Variants in GP6 observed in about 807,000 individuals in gnomAD.
The protein encoded by GP6 is glycoprotein VI platelet, also known as platelet glycoprotein VI.
Under a neutral mutation model 37.3 loss-of-function variants are expected in GP6, and 45 were observed. The observed-to-expected ratio is 1.21, with a 90% CI of 0.95 to 1.55. GP6 has a LOEUF of 1.55. Among genes scored for constraint, GP6 ranks in the 40% most tolerant of loss-of-function variants. GP6 has a pLI of 0.00. For synonymous variants in GP6, 340 were observed against 316.4 expected, an observed-to-expected ratio of 1.07 and a Z score of -0.79; for missense variants, 813 against 760.2, an observed-to-expected ratio of 1.07 and a Z score of -0.82.
Position 55,014,997 on chromosome 19 carries a change from A to G in GP6, c.948T>C (p.Pro316=). 1 of 1,529,634 alleles carries G rather than the reference A, an allele frequency of 6.5e-7. No homozygotes were observed. The allele number at this position is 1,529,634 out of a possible 1,614,324, so 94.8% of individuals were successfully genotyped here. A position where few individuals can be genotyped will look rare whatever the true frequency, so the allele number is the denominator to read the frequency against. Reference sequence around the variant, plus strand: ...CCCGTTTGATTTCCGGGTCAGCGGGAGGGGCGGGAGGGGCGGAAGCGGCCT... The same window carrying G: ...CCCGTTTGATTTCCGGGTCAGCGGGGGGGGCGGGAGGGGCGGAAGCGGCCT... The change falls in exon 8 of 8, where the codon CCT becomes CCC. Residue 316 remains proline, a synonymous_variant. Coordinates refer to ENST00000310373, the MANE Select transcript of GP6 (RefSeq NM_001083899.2).
chr19:55,036,525 C>T (rs2074835676), intron 1 of GP6, among the ~76,000 whole-genome samples: 1 of 151,452 alleles, frequency 6.6e-6, no homozygotes, highest in African/African-American at 2.4e-5. Context: ...ATAGCGGACC[C>T]CCGTAACTAA....
intron 5 of GP6, among the ~76,000 whole-genome samples, chr19:55,021,050 TAAAAA>T (rs60477411): frequency 1.4e-4 from 15 of 107,708 alleles, no homozygotes; most frequent in Admixed American, 3.1e-4. Context: ...AGACTCTGTT[TAAAAA>T]AAAAAAAAAA....
intron 5 of GP6, among the ~76,000 whole-genome samples, chr19:55,019,200 G>C (rs2073987829): frequency 6.6e-6 from 1 of 151,110 alleles, no homozygotes; most frequent in Non-Finnish European, 1.5e-5. Context: ...CCACCTCCTG[G>C]GTTCAAGCGA....
intron 7 of GP6, 44 bp downstream of exon 7, chr19:55,015,639 G>A: frequency 8.1e-7 from 1 of 1,232,590 alleles, no homozygotes; most frequent in East Asian, 2.3e-5. Context: ...TTGGTGAAGA[G>A]ACGGGTGAGA....
intron 1 of GP6, among the ~76,000 whole-genome samples, chr19:55,034,506 A>G (rs942955063): frequency 6.6e-6 from 1 of 151,860 alleles, no homozygotes; most frequent in African/African-American, 2.4e-5. Context: ...CAGTGAGCCA[A>G]GATCACGCCA....
intron 5 of GP6, among the ~76,000 whole-genome samples, chr19:55,021,826 G>C (rs997170793): frequency 6.6e-6 from 1 of 152,128 alleles, no homozygotes; most frequent in Non-Finnish European, 1.5e-5. Flanking sequence ...GGCGTTTCTT[G>C]ACTTTTTAAT....
intron 5 of GP6, among the ~76,000 whole-genome samples, chr19:55,024,838 T>A (rs1654420): frequency 0.76 from 115,821 of 152,014 alleles, 44,855 homozygotes; most frequent in Middle Eastern, 0.84. Context: ...GATCAATGCA[T>A]TCAGTGACTC....
chr19:55,019,227 T>C (rs1568600633), intron 5 of GP6, among the ~76,000 whole-genome samples: 1 of 149,598 alleles, frequency 6.7e-6, no homozygotes, highest in Non-Finnish European at 1.5e-5. Flanking sequence ...TCCCTCAGCC[T>C]CCCGAGTAGC....
chr19:55,031,774 C>A (rs1171431080), intron 3 of GP6, among the ~76,000 whole-genome samples: 1 of 151,936 alleles, frequency 6.6e-6, no homozygotes, highest in Non-Finnish European at 1.5e-5. Context: ...TATTTTAATG[C>A]CTTTTGTGAA....
chr19:55,026,077 G>A (rs1391735437), intron 4 of GP6, among the ~76,000 whole-genome samples: 11 of 151,148 alleles, frequency 7.3e-5, no homozygotes, highest in Admixed American at 3.3e-4. Flanking sequence ...ACAAGGAAAT[G>A]CATGCAGCTC....
rs180985480 is a variant in GP6, at chr19:55,019,491, G to A, written c.665-780C>T. 5.0e-3 allele frequency among the ~76,000 whole-genome samples: 761 copies of A among 152,092 alleles called. 12 individuals carry two copies. Among genetic ancestry groups the A allele is most frequent in the African/African-American group, 0.017 (702 of 41,486 alleles). ...AAATCCTCACCAATACTTCTTGTCC[G>A]TTTGTTTTGTTTTAAAAATCATAGT... On this transcript the variant is annotated intron_variant, in intron 5 of 7. Coordinates refer to ENST00000310373, the MANE Select transcript of GP6 (RefSeq NM_001083899.2).
Position 55,015,642 on chromosome 19 carries a change from G to A in GP6, c.779+37C>T, listed in dbSNP as rs78945148. ...AAGGAGTTGGCTTTGGTGAAGAGAC[G>A]GGTGAGAAGGAAGGGGGTCTGGAGA... On this transcript the variant is annotated intron_variant, in intron 7 of 7. Transcript: ENST00000310373. The A allele has an allele frequency of 1.7e-3, 2,141 of 1,263,636 alleles. 21 individuals carry two copies. The African/African-American group carries it at 0.026, about 15-fold the overall frequency. 78.3% of individuals were successfully genotyped at this position (1,263,636 alleles called of 1,614,324 possible). A position where few individuals can be genotyped will look rare whatever the true frequency, so the allele number is the denominator to read the frequency against.
At chr19:55,021,436 A>G (rs2074078983) in intron 5 of GP6, among the ~76,000 whole-genome samples, 1 of 151,578 alleles carries the variant, frequency 6.6e-6, no homozygotes, top group African/African-American at 2.4e-5. Context: ...TTCCACAATG[A>G]ACTAATTTAC....
At chr19:55,022,296 G>T (rs1254606035) in intron 5 of GP6, among the ~76,000 whole-genome samples, 8 of 152,160 alleles carry the variant, frequency 5.3e-5, no homozygotes, top group African/African-American at 1.9e-4. Flanking sequence ...TTGCATCCAA[G>T]TCTTTCATCC....
chr19:55,032,270 C>A lies in GP6; in HGVS notation c.194G>T (p.Ser65Ile). Reference sequence around the variant, plus strand: ...GAGGACTGCCTGATCCTGGTACCTGCTGGAACTCAGCTTCTCCAGGCGGTA... The same window carrying A: ...GAGGACTGCCTGATCCTGGTACCTGATGGAACTCAGCTTCTCCAGGCGGTA... Residue 65 changes from serine (S) to isoleucine (I), a missense_variant, in exon 3 of 8, where the codon AGC (serine) becomes ATC (isoleucine). Coordinates refer to ENST00000310373, the MANE Select transcript of GP6 (RefSeq NM_001083899.2). 1 of 1,614,198 alleles carries A rather than the reference C, an allele frequency of 6.2e-7. No individual in the cohort carries two copies. Among genetic ancestry groups the A allele is most frequent in the East Asian group, 2.2e-5 (1 of 44,882 alleles).
intron 6 of GP6, among the ~76,000 whole-genome samples, chr19:55,017,994 G>C (rs1370709007): frequency 6.6e-6 from 1 of 151,996 alleles, no homozygotes; most frequent in African/African-American, 2.4e-5. Context: ...CTTGAACCCG[G>C]GCAGCAGAGG....
intron 1 of GP6, among the ~76,000 whole-genome samples, chr19:55,033,495 C>G (rs375637395): frequency 1.1e-5 from 1 of 95,184 alleles, no homozygotes; most frequent in Non-Finnish European, 2.1e-5. Context: ...TGGGCTCGTT[C>G]GTGTTGTGTT....
At chr19:55,018,191 A>G (rs2073944643) in intron 6 of GP6, among the ~76,000 whole-genome samples, 1 of 152,226 alleles carries the variant, frequency 6.6e-6, no homozygotes, top group South Asian at 2.1e-4. Context: ...CTGGAAGGAA[A>G]TGGAGATTTT....
At position 55,024,354 on chromosome 19, in the gene GP6, A is replaced by ACG. The variant is rs1568613549; in HGVS notation, c.664+863_664+864insCG. The stretch of plus-strand genomic sequence containing the variant: ...TGCACGCACACACGCACATGCACGC[A>ACG]CACACACATATGCACGCACACAGTA... On this transcript the variant is annotated intron_variant, in intron 5 of 7. Coordinates refer to ENST00000310373, the MANE Select transcript of GP6 (RefSeq NM_001083899.2). Among the ~76,000 whole-genome samples the ACG allele has an allele frequency of 6.5e-5, 8 of 123,690 alleles. 1 individual carries two copies. The highest frequency in any genetic ancestry group is 1.6e-4 in the Admixed American group (2 of 12,564). 81.1% of individuals were successfully genotyped at this position (123,690 alleles called of 152,430 possible).
Sources: allele counts gnomAD v4.1 joint callset (sites outside exome capture counted in the v4.1 genomes callset), GRCh38; gene constraint gnomAD v4.1.1; transcripts MANE v1.5; gene names NCBI Gene and HGNC (gene_info 2026-07-23, HGNC 2026-07-21).